The following MUC5B variants were observed in gnomAD, a reference collection of about 807,000 sequenced individuals.
MUC5B encodes the protein mucin 5B, oligomeric mucus/gel-forming.
MUC5B carries 116 observed loss-of-function variants against 376.9 expected under a neutral mutation model. The ratio of observed to expected loss-of-function variants is 0.31; its 90% confidence interval spans 0.26 to 0.36. MUC5B has a LOEUF of 0.36. Ranked by LOEUF, MUC5B falls within the 10% of genes least tolerant of loss-of-function variation. The pLI, the probability that MUC5B is intolerant of heterozygous loss-of-function variation, is 1.00. For missense variants in MUC5B, 7,165 were observed against 7,769.9 expected (o/e 0.92, Z 2.93); for synonymous variants, 3,517 against 3,390.9 (o/e 1.04, Z -1.29).
At position 1,244,186 on chromosome 11, in the gene MUC5B, C is replaced by A; in HGVS notation, c.7306C>A (p.Leu2436Ile). Residue 2436 changes from leucine (L) to isoleucine (I), a missense_variant, in exon 31 of 49, where the codon CTC (leucine) becomes ATC (isoleucine). Transcript: ENST00000529681. Reference sequence around the variant, plus strand: ...CTCCACTCCGGGGACGACCTGGATCCTCACAGAGCTGACCACAACAGCCAC... The same window carrying A: ...CTCCACTCCGGGGACGACCTGGATCATCACAGAGCTGACCACAACAGCCAC... Reference protein sequence around the residue: ...PSSTPGTTWILTELTTTATTT... With the variant: ...PSSTPGTTWIITELTTTATTT... 1 of 1,612,650 alleles carries A rather than the reference C, an allele frequency of 6.2e-7. No individual in the cohort carries two copies. The highest frequency in any genetic ancestry group is 8.5e-7 in the Non-Finnish European group (1 of 1,179,024).
chr11:1,225,302 A>G (rs1374226157), intron 1 of MUC5B, among the ~76,000 whole-genome samples: 5 of 152,234 alleles, frequency 3.3e-5, no homozygotes, highest in Non-Finnish European at 7.3e-5. Flanking sequence ...TGGGGCGGCC[A>G]ACGCCTTTTC....
Position 1,233,186 on chromosome 11 carries a change from G to A in MUC5B, c.2239G>A (p.Val747Met), listed in dbSNP as rs764281334. The change falls in exon 18 of 49, where the codon GTG (valine) becomes ATG (methionine). Residue 747 changes from valine (V) to methionine (M), a missense_variant. Physicochemically the swap from Val to Met is conservative, Grantham distance 21. Transcript: ENST00000529681. ...GTFLNDAGAC[V>M]PAQECPCYAH... ...CTTCCTCAATGACGCGGGCGCCTGTGTGCCCGCCCAGGAGTGCCCCTGCTA... is the reference window on the plus strand; with the variant it reads ...CTTCCTCAATGACGCGGGCGCCTGTATGCCCGCCCAGGAGTGCCCCTGCTA... 51 of 1,604,134 alleles carry A rather than the reference G, an allele frequency of 3.2e-5. 1 individual carries two copies. The Middle Eastern group carries it at 5.0e-4, about 16-fold the overall frequency.
In MUC5B at chr11:1,257,387, G is replaced by A. The variant is rs542464460; in HGVS notation, c.16269+116G>A. The A allele has an allele frequency of 1.5e-5, 15 of 992,554 alleles. No individual in the cohort carries two copies. Among genetic ancestry groups the A allele is most frequent in the Admixed American group, 9.4e-5 (5 of 53,228 alleles). The allele number at this position is 992,554 out of a possible 1,614,324, so 61.5% of individuals were successfully genotyped here. A position where few individuals can be genotyped will look rare whatever the true frequency, so the allele number is the denominator to read the frequency against. On this transcript the variant is annotated intron_variant, in intron 40 of 48. Transcript: ENST00000529681. This position sits in a 1 kb window ranked among gnomAD's most constrained non-coding sequence, Gnocchi z 8.9. ...TGGGGCGCCCGAGTGTGACGTGGAC[G>A]TGCCAGTGGCTGGTGTGCGCTTCCT...
Position 1,232,718 on chromosome 11 carries a change from C to T in MUC5B, c.2013C>T (p.His671=), listed in dbSNP as rs373795612. 1.7e-5 allele frequency: 28 copies of T among 1,600,094 alleles called. No individual in the cohort carries two copies. The Admixed American group carries it at 1.9e-4, about 11-fold the overall frequency. The change falls in exon 17 of 49, where the codon CAC becomes CAT. Residue 671 remains histidine, a synonymous_variant. Transcript: ENST00000529681. ...GCGCCGCGCTGTCCTCCTATGTGCA[C>T]GCCTGTGCCGCCAAGGGCGTACAGC... ...CLCAALSSYV[H]ACAAKGVQLS...
intron 6 of MUC5B, 44 bp from the exon 7 acceptor site, chr11:1,227,631 A>C (rs2133806082): frequency 1.4e-6 from 1 of 708,256 alleles, no homozygotes; most frequent in Non-Finnish European, 2.6e-6. Flanking sequence ...TCTTGTCCCC[A>C]GGAGCCCCTC....
At position 1,258,845 on chromosome 11, in the gene MUC5B, AG is replaced by A; in HGVS notation, c.16594-95del. On this transcript the variant is annotated intron_variant, in intron 43 of 48. Transcript: ENST00000529681. The surrounding 1 kb of genome is among the most constrained non-coding windows in gnomAD (Gnocchi z 5.5). ...GGTGCATCTATGCTCCATCTGAGGAAGGAACAACTCCCTGCAGGCCCCATTG... is the reference window on the plus strand; with the variant it reads ...GGTGCATCTATGCTCCATCTGAGGAAGAACAACTCCCTGCAGGCCCCATTG... 2 of 1,475,984 alleles carry A rather than the reference AG, an allele frequency of 1.4e-6. No homozygotes were observed. 91.4% of individuals were successfully genotyped at this position (1,475,984 alleles called of 1,614,324 possible).
rs776586636 is a variant in MUC5B, at chr11:1,261,694, C to G, written c.*86C>G. The G allele has an allele frequency of 5.3e-6, 7 of 1,310,434 alleles. No homozygotes were observed. The highest frequency in any genetic ancestry group is 7.5e-6 in the Non-Finnish European group (7 of 938,170). 81.2% of individuals were successfully genotyped at this position (1,310,434 alleles called of 1,614,324 possible). Reference sequence around the variant, plus strand: ...TCATGAAAACCTTGGGCCTCCTCTGCGGAGCCCCCCGGCCTGTGTGTGGCA... The same window carrying G: ...TCATGAAAACCTTGGGCCTCCTCTGGGGAGCCCCCCGGCCTGTGTGTGGCA... On this transcript the variant is annotated 3_prime_UTR_variant, in exon 49 of 49. Transcript: ENST00000529681.
chr11:1,251,195 T>C lies in MUC5B; in HGVS notation c.14315T>C (p.Met4772Thr). The change falls in exon 31 of 49, where the codon ATG (methionine) becomes ACG (threonine). Residue 4772 changes from methionine (M) to threonine (T), a missense_variant. Met to Thr is a moderately conservative substitution (Grantham distance 81). Transcript: ENST00000529681. ...WTVPAQTTTP[M>T]STMSTIHTSS... is the part of the protein sequence containing the mutation. Reference sequence around the variant, plus strand: ...GTCCCAGCACAGACCACCACACCCATGTCCACCATGTCCACAATCCACACC... The same window carrying C: ...GTCCCAGCACAGACCACCACACCCACGTCCACCATGTCCACAATCCACACC... 1 of 1,609,776 alleles carries C rather than the reference T, an allele frequency of 6.2e-7. No individual in the cohort carries two copies. The highest frequency in any genetic ancestry group is 8.5e-7 in the Non-Finnish European group (1 of 1,177,804).
rs1351917206 is a variant in MUC5B at position 1,223,110 on chromosome 11, T to C, written c.-14T>C. ...CTGCCCGTCCCCGTCCCCCCACCCG[T>C]GCCAGCCCCCAGGATGGGTGCCCCG... On this transcript the variant is annotated 5_prime_UTR_variant, in exon 1 of 49. Transcript: ENST00000529681. 2.9e-6 allele frequency: 2 copies of C among 691,156 alleles called. No homozygotes were observed. Among genetic ancestry groups the C allele is most frequent in the Non-Finnish European group, 5.3e-6 (2 of 377,288 alleles). 42.8% of individuals were successfully genotyped at this position (691,156 alleles called of 1,614,324 possible). A position where few individuals can be genotyped will look rare whatever the true frequency, so the allele number is the denominator to read the frequency against.
intron 44 of MUC5B, among the ~76,000 whole-genome samples, chr11:1,259,279 C>T (rs1327418679): frequency 6.7e-6 from 1 of 149,696 alleles, no homozygotes; most frequent in African/African-American, 2.5e-5. Flanking sequence ...CCAGGTGAGA[C>T]CTGAGTCACC....
Position 1,256,741 on chromosome 11 carries a change from G to A in MUC5B, c.16207G>A (p.Ala5403Thr), listed in dbSNP as rs746569461. The change falls in exon 39 of 49, where the codon GCA (alanine) becomes ACA (threonine). Residue 5403 changes from alanine (A) to threonine (T), a missense_variant. By Grantham distance (58) the Ala-to-Thr change is moderately conservative. Transcript: ENST00000529681. ...CCCTGAGGACCAGATCCTCTTCAAC[G>A]CACACATGGGCATCTGCGTGCAGGC... is the stretch of plus-strand genomic sequence containing the variant. Reference protein sequence around the residue: ...FCPEDQILFNAHMGICVQACP... With the variant: ...FCPEDQILFNTHMGICVQACP... 34 of 1,548,574 alleles carry A rather than the reference G, an allele frequency of 2.2e-5. No individual in the cohort carries two copies. The Middle Eastern group carries it at 5.0e-4, about 23-fold the overall frequency.
At position 1,247,502 on chromosome 11, in the gene MUC5B, C is replaced by G. The variant is rs1449605480; in HGVS notation, c.10622C>G (p.Ala3541Gly). 1.2e-6 allele frequency: 2 copies of G among 1,608,422 alleles called. No individual in the cohort carries two copies. The highest frequency in any genetic ancestry group is 2.7e-5 in the African/African-American group (2 of 74,464). Residue 3541 changes from alanine (A) to glycine (G), a missense_variant, in exon 31 of 49, where the codon GCC becomes GGC. Ala to Gly is a moderately conservative substitution (Grantham distance 60). Coordinates refer to ENST00000529681, the MANE Select transcript of MUC5B (RefSeq NM_002458.3). ...GHTRGTSRTTATATPSKTRTS... is the reference protein window; with the variant it reads ...GHTRGTSRTTGTATPSKTRTS... Reference sequence around the variant, plus strand: ...ACCAGGGGCACCTCCAGGACCACAGCCACAGCCACACCCAGCAAGACCCGC... The same window carrying G: ...ACCAGGGGCACCTCCAGGACCACAGGCACAGCCACACCCAGCAAGACCCGC...
Position 1,244,001 on chromosome 11 carries a change from G to A in MUC5B, c.7121G>A (p.Gly2374Asp). 6.2e-7 allele frequency: 1 copy of A among 1,606,354 alleles called. No individual in the cohort carries two copies. Among genetic ancestry groups the A allele is most frequent in the Non-Finnish European group, 8.5e-7 (1 of 1,176,222 alleles). ...CCTGGTGTCCCCCTGCGGGAGTTGG[G>A]CCAGGTCGTGGAATGCAGCCTGGAC... ...AQPGVPLREL[G>D]QVVECSLDFG... is the part of the protein sequence containing the mutation. The change falls in exon 31 of 49, where the codon GGC becomes GAC. Residue 2374 changes from glycine (G) to aspartate (D), a missense_variant. This residue lies in a region of MUC5B where 25 missense variants were observed against 103.9 expected (regional missense o/e 0.24). Transcript: ENST00000529681.
chr11:1,228,789 C>G, intron 8 of MUC5B, 24 bp downstream of exon 8: 1 of 1,384,442 alleles, frequency 7.2e-7, no homozygotes, highest in Non-Finnish European at 9.5e-7. Flanking sequence ...GGGCCTTCGC[C>G]AGGGATTGTG....
At position 1,245,350 on chromosome 11, in the gene MUC5B, T is replaced by C. The variant is rs1862425985; in HGVS notation, c.8470T>C (p.Ser2824Pro). 6.3e-7 allele frequency: 1 copy of C among 1,585,404 alleles called. No homozygotes were observed. The highest frequency in any genetic ancestry group is 1.8e-5 in the Admixed American group (1 of 56,986). The stretch of plus-strand genomic sequence containing the variant: ...CAGCAGGACCACCGAGTCACCCCCT[T>C]CTCCAGGGACGACCACCCCGGGCCA... ...PSSRTTESPP[S>P]PGTTTPGHTR... The change falls in exon 31 of 49, where the codon TCT becomes CCT. Residue 2824 changes from serine to proline, a missense_variant. Coordinates refer to ENST00000529681, the MANE Select transcript of MUC5B (RefSeq NM_002458.3).
At position 1,245,962 on chromosome 11, in the gene MUC5B, A is replaced by C. The variant is rs2943493; in HGVS notation, c.9082A>C (p.Thr3028Pro). 1.9e-4 allele frequency: 304 copies of C among 1,612,308 alleles called. 1 individual carries two copies. Among genetic ancestry groups the C allele is most frequent in the African/African-American group, 1.1e-3 (80 of 74,078 alleles). Residue 3028 changes from threonine (T) to proline (P), a missense_variant, in exon 31 of 49, where the codon ACG becomes CCG. Coordinates refer to ENST00000529681, the MANE Select transcript of MUC5B (RefSeq NM_002458.3). ...TCCCCCTCCCAAAGTGCTGACCAGCACGGCCACCACACCCACAGCCACCAG... is the reference window on the plus strand; with the variant it reads ...TCCCCCTCCCAAAGTGCTGACCAGCCCGGCCACCACACCCACAGCCACCAG... The part of the protein sequence containing the change: ...TAPPPKVLTS[T>P]ATTPTATSSK...
rs752501699 is a variant in MUC5B, at chr11:1,259,801, G to A, written c.16759G>A (p.Val5587Ile). 2.9e-5 allele frequency: 46 copies of A among 1,612,264 alleles called. No homozygotes were observed. Among genetic ancestry groups the A allele is most frequent in the South Asian group, 8.8e-5 (8 of 91,086 alleles). ...RVAGQCCGEC[V>I]QTACLTPDGQ... Reference sequence around the variant, plus strand: ...GGCCGGGCAGTGCTGTGGGGAGTGCGTCCAGACCGCCTGCCTCACGCCCGA... The same window carrying A: ...GGCCGGGCAGTGCTGTGGGGAGTGCATCCAGACCGCCTGCCTCACGCCCGA... The change falls in exon 45 of 49, where the codon GTC (valine) becomes ATC (isoleucine). Residue 5587 changes from valine (V) to isoleucine (I), a missense_variant. Val to Ile is a conservative substitution (Grantham distance 29). Coordinates refer to ENST00000529681, the MANE Select transcript of MUC5B (RefSeq NM_002458.3).
intron 10 of MUC5B, 27 bp downstream of exon 10, chr11:1,229,834 C>G (rs1406153922): frequency 6.4e-7 from 1 of 1,568,360 alleles, no homozygotes; most frequent in South Asian, 1.2e-5. Context: ...CAGCCTCCGC[C>G]TGGGGTGGGG....
In MUC5B at chr11:1,248,726, C is replaced by A; in HGVS notation, c.11846C>A (p.Thr3949Asn). 1.3e-6 allele frequency: 2 copies of A among 1,565,628 alleles called. No homozygotes were observed. The highest frequency in any genetic ancestry group is 1.7e-6 in the Non-Finnish European group (2 of 1,155,578). Residue 3949 changes from threonine to asparagine, a missense_variant, in exon 31 of 49, where the codon ACC becomes AAC. Coordinates refer to ENST00000529681, the MANE Select transcript of MUC5B (RefSeq NM_002458.3). ...QTSGTPPSLI[T>N]TATTITATGS... Reference sequence around the variant, plus strand: ...AGTGGTACTCCCCCATCACTGATCACCACGGCCACTACGATCACGGCCACC... The same window carrying A: ...AGTGGTACTCCCCCATCACTGATCAACACGGCCACTACGATCACGGCCACC...
Sources: gnomAD v4.1 joint callset for allele counts (sites outside exome capture counted in the v4.1 genomes callset) on GRCh38, gnomAD v4.1.1 for gene constraint, gnomAD v4.1.1 regional missense constraint, Gnocchi (gnomAD v3.1) non-coding constraint, MANE v1.5 for transcripts, NCBI Gene and HGNC (gene_info 2026-07-23, HGNC 2026-07-21) for gene names.